Variants in HDAC2 observed in about 807,000 individuals in gnomAD.
The protein encoded by HDAC2 is histone deacetylase 2, also known as YY1-associated factor 1.
Under a neutral mutation model 68.5 loss-of-function variants are expected in HDAC2, and 5 were observed. The observed-to-expected ratio is 0.07, with a 90% CI of 0.04 to 0.15. The LOEUF (loss-of-function observed/expected upper bound fraction) is 0.15, where lower values mean the gene tolerates loss of function less well. HDAC2 is among the 10% of genes least tolerant of loss of function. HDAC2 has a pLI of 1.00. For missense variants in HDAC2, 291 were observed against 600.8 expected (o/e 0.48, Z 5.39); for synonymous variants, 182 against 191.3 (o/e 0.95, Z 0.40).
chr6:113,966,767 A>G (rs1776832621), intron 1 of HDAC2, among the ~76,000 whole-genome samples: 1 of 152,184 alleles, frequency 6.6e-6, no homozygotes, highest in African/African-American at 2.4e-5. Flanking sequence ...GGACTTAGGT[A>G]ATAGGAGAAA....
chr6:113,953,483 A>C, intron 5 of HDAC2, 65 bp from the exon 6 acceptor site: 1 of 909,850 alleles, frequency 1.1e-6, no homozygotes, highest in East Asian at 2.6e-5. Context: ...GAAGCACCAC[A>C]AATTCAGGAA....
chr6:113,970,998 G>A lies in HDAC2; in HGVS notation c.-90C>T, dbSNP rs1771224142. The A allele has an allele frequency of 6.3e-7, 1 of 1,576,664 alleles. No homozygotes were observed. The highest frequency in any genetic ancestry group is 1.3e-5 in the African/African-American group (1 of 74,438). ...CCGCGGCTCGGCCGGGAGAGAAAAG[G>A]GCTGAGGGAAACGTGGGGGCGATAG... On this transcript the variant is annotated 5_prime_UTR_variant, in exon 1 of 14. Coordinates refer to ENST00000519065, the MANE Select transcript of HDAC2 (RefSeq NM_001527.4).
Position 113,955,851 on chromosome 6 carries a change from C to T in HDAC2, c.497+162G>A, listed in dbSNP as rs1776540567. 2 of 568,220 alleles carry T rather than the reference C, an allele frequency of 3.5e-6. 1 individual carries two copies. The highest frequency in any genetic ancestry group is 3.9e-5 in the African/African-American group (2 of 51,228). The allele number at this position is 568,220 out of a possible 1,614,324, so 35.2% of individuals were successfully genotyped here. A position where few individuals can be genotyped will look rare whatever the true frequency, so the allele number is the denominator to read the frequency against. ...AATAATTGAAGAATTGGGCAAATTT[C>T]CTGCATTTCTTCATTGTTTTGTAAT... On this transcript the variant is annotated intron_variant, in intron 5 of 13. Transcript: ENST00000519065.
At position 113,937,088 on chromosome 6, in the gene HDAC2, T is replaced by C. The variant is rs912854470; in HGVS notation, c.*3970A>G. On this transcript the variant is annotated 3_prime_UTR_variant, in exon 14 of 14. Coordinates refer to ENST00000519065, the MANE Select transcript of HDAC2 (RefSeq NM_001527.4). The stretch of plus-strand genomic sequence containing the variant: ...CAAACCTATTAAGTAGGGACTATTA[T>C]TTTCCTCATTTTAAATGATGAAGCA... The C allele has an allele frequency of 2.6e-5, 4 of 152,216 alleles. No individual in the cohort carries two copies. Among genetic ancestry groups the C allele is most frequent in the Non-Finnish European group, 5.9e-5 (4 of 68,040 alleles). 9.4% of individuals were successfully genotyped at this position (152,216 alleles called of 1,614,324 possible).
rs1775981950 is a variant in HDAC2 at position 113,935,467 on chromosome 6, G to A, written c.*5591C>T. ...CAAGGGCAGGGAAGTGACCCTGGATGTTTATTTCTGAAGAAACAAAAAAGA... is the reference window on the plus strand; with the variant it reads ...CAAGGGCAGGGAAGTGACCCTGGATATTTATTTCTGAAGAAACAAAAAAGA... On this transcript the variant is annotated 3_prime_UTR_variant, in exon 14 of 14. Coordinates refer to ENST00000519065, the MANE Select transcript of HDAC2 (RefSeq NM_001527.4). 6.6e-6 allele frequency: 1 copy of A among 152,170 alleles called. No homozygotes were observed. The highest frequency in any genetic ancestry group is 1.5e-5 in the Non-Finnish European group (1 of 68,026). The allele number at this position is 152,170 out of a possible 1,614,324, so 9.4% of individuals were successfully genotyped here. A position where few individuals can be genotyped will look rare whatever the true frequency, so the allele number is the denominator to read the frequency against.
chr6:113,955,515 T>C (rs1352152115), intron 5 of HDAC2, among the ~76,000 whole-genome samples: 3 of 152,142 alleles, frequency 2.0e-5, no homozygotes, highest in African/African-American at 4.8e-5. Context: ...TGGCCTTTTA[T>C]ACACTTCTAA....
chr6:113,941,735 T>C lies in HDAC2; in HGVS notation c.1409A>G (p.Asn470Ser), dbSNP rs768771419. Reference protein sequence around the residue: ...DVKEEDKSKDNSGEKTDTKGT... With the variant: ...DVKEEDKSKDSSGEKTDTKGT... Reference sequence around the variant, plus strand: ...TTTGGTATCTGTTTTTTCACCACTGTTGTCCTTGGATTTATCTTCTTCCTT... The same window carrying C: ...TTTGGTATCTGTTTTTTCACCACTGCTGTCCTTGGATTTATCTTCTTCCTT... Residue 470 changes from asparagine (N) to serine (S), a missense_variant, in exon 13 of 14, where the codon AAC becomes AGC. Asn to Ser is a conservative substitution (Grantham distance 46, BLOSUM62 1). This residue lies in a region of HDAC2 where 137 missense variants were observed against 128.7 expected (regional missense o/e 1.06). Coordinates refer to ENST00000519065, the MANE Select transcript of HDAC2 (RefSeq NM_001527.4). 3 of 1,458,642 alleles carry C rather than the reference T, an allele frequency of 2.1e-6. No homozygotes were observed. The East Asian group carries it at 7.3e-5, about 36-fold the overall frequency. The allele number at this position is 1,458,642 out of a possible 1,614,324, so 90.4% of individuals were successfully genotyped here.
At chr6:113,952,704 G>A (rs180747103) in intron 6 of HDAC2, among the ~76,000 whole-genome samples, 53 of 152,198 alleles carry the variant, frequency 3.5e-4, no homozygotes, top group African/African-American at 1.3e-3. Flanking sequence ...GTGGTTTTCA[G>A]AGTCATAAAA....
At chr6:113,970,678 G>C in intron 1 of HDAC2, 179 bp downstream of exon 1, 1 of 1,354,408 alleles carries the variant, frequency 7.4e-7, no homozygotes, top group Non-Finnish European at 9.4e-7. Flanking sequence ...AACCGCGGGG[G>C]CTGCGCCAGG....
Position 113,936,366 on chromosome 6 carries a change from C to G in HDAC2, c.*4692G>C, listed in dbSNP as rs1361286566. The G allele has an allele frequency of 6.6e-6, 1 of 151,502 alleles. No individual in the cohort carries two copies. The highest frequency in any genetic ancestry group is 2.4e-5 in the African/African-American group (1 of 41,322). The allele number at this position is 151,502 out of a possible 1,614,324, so 9.4% of individuals were successfully genotyped here. A position where few individuals can be genotyped will look rare whatever the true frequency, so the allele number is the denominator to read the frequency against. ...AAATGCTGTAATCCTAAACATTTCT[C>G]CGCATTGCTCATGTAAATAGCCAAT... On this transcript the variant is annotated 3_prime_UTR_variant, in exon 14 of 14. Coordinates refer to ENST00000519065, the MANE Select transcript of HDAC2 (RefSeq NM_001527.4).
rs528988883 is a variant in HDAC2, at chr6:113,970,945, CCTGCTGCTG to C, written c.-46_-38del. ...CCACCGCCGCCACCGGGCTCCTCCT[CCTGCTGCTG>C]CTGCTGCTGCTGCTGCCGCCGCGGC... On this transcript the variant is annotated 5_prime_UTR_variant, in exon 1 of 14. Transcript: ENST00000519065. 192 of 1,544,244 alleles carry C rather than the reference CCTGCTGCTG, an allele frequency of 1.2e-4. No homozygotes were observed. The highest frequency in any genetic ancestry group is 2.5e-4 in the African/African-American group (18 of 73,194).
At position 113,934,385 on chromosome 6, in the gene HDAC2, G is replaced by A. The variant is rs1775955566; in HGVS notation, c.*6673C>T. ...TAAACTGAAGCACAGAAATTTAAAT[G>A]ACTTGCCCAAAGCAAAGTTGTGTAA... On this transcript the variant is annotated 3_prime_UTR_variant, in exon 14 of 14. Transcript: ENST00000519065. 1 of 152,180 alleles carries A rather than the reference G, an allele frequency of 6.6e-6. No homozygotes were observed. Among genetic ancestry groups the A allele is most frequent in the African/African-American group, 2.4e-5 (1 of 41,428 alleles). The allele number at this position is 152,180 out of a possible 1,614,324, so 9.4% of individuals were successfully genotyped here.
chr6:113,970,796 C>A (rs547304302), intron 1 of HDAC2, 61 bp downstream of exon 1: 151 of 1,451,964 alleles, frequency 1.0e-4, no homozygotes, highest in Non-Finnish European at 1.3e-4. Context: ...CTCGCGACGG[C>A]AGCCGCGGAA....
rs763247073 is a variant in HDAC2, at chr6:113,941,764, G to A, written c.1380C>T (p.Asp460=). The change falls in exon 13 of 14, where the codon GAC becomes GAT. Residue 460 remains aspartate (D), a splice_region_variant and synonymous_variant. Transcript: ENST00000519065. The part of the protein sequence containing the change: ...DKKETEDKKT[D]VKEEDKSKDN... ...CCTTGGATTTATCTTCTTCCTTAACGTCTAAAAATAAAGATTGGGAAAAGA... is the reference window on the plus strand; with the variant it reads ...CCTTGGATTTATCTTCTTCCTTAACATCTAAAAATAAAGATTGGGAAAAGA... 56 of 1,327,228 alleles carry A rather than the reference G, an allele frequency of 4.2e-5. No individual in the cohort carries two copies. Among genetic ancestry groups the A allele is most frequent in the Admixed American group, 1.3e-4 (6 of 47,890 alleles). The allele number at this position is 1,327,228 out of a possible 1,614,324, so 82.2% of individuals were successfully genotyped here.
At chr6:113,967,755 A>C (rs775158110) in intron 1 of HDAC2, among the ~76,000 whole-genome samples, 3 of 152,206 alleles carry the variant, frequency 2.0e-5, no homozygotes, top group Admixed American at 6.5e-5. Flanking sequence ...AAGTAGAGAA[A>C]AATCACATCG....
chr6:113,954,885 C>T (rs1776512349), intron 5 of HDAC2, among the ~76,000 whole-genome samples: 1 of 152,122 alleles, frequency 6.6e-6, no homozygotes, highest in African/African-American at 2.4e-5. Flanking sequence ...TTCCTAAGTA[C>T]CTCTATAGAT....
At chr6:113,946,658 A>G (rs1006094978) in intron 8 of HDAC2, 1 of 152,148 alleles carries the variant, frequency 6.6e-6, no homozygotes, top group African/African-American at 2.4e-5. Flanking sequence ...AAAAACATCT[A>G]TTAATTTTCA....
At chr6:113,946,213 T>A (rs6908846) in intron 8 of HDAC2, 65 bp from the exon 9 acceptor site, 109,426 of 1,358,446 alleles carry the variant, frequency 0.081, 5,462 homozygotes, top group East Asian at 0.24. Flanking sequence ...AAATAAATTT[T>A]AAAAAGATAA....
chr6:113,955,102 A>C (rs965313644), intron 5 of HDAC2, among the ~76,000 whole-genome samples: 1 of 152,226 alleles, frequency 6.6e-6, no homozygotes, highest in Non-Finnish European at 1.5e-5. Flanking sequence ...TAGAATATAA[A>C]CTTCCAAGGT....
Sources: allele counts gnomAD v4.1 joint callset (sites outside exome capture counted in the v4.1 genomes callset), GRCh38; gene constraint gnomAD v4.1.1; regional missense constraint gnomAD v4.1.1; transcripts MANE v1.5; gene names NCBI Gene and HGNC (gene_info 2026-07-23, HGNC 2026-07-21).